Variants in IFT22 observed in about 807,000 individuals in gnomAD.
IFT22 encodes the protein intraflagellar transport protein 22 homolog.
Under a neutral mutation model 21.0 loss-of-function variants are expected in IFT22, and 13 were observed. The observed-to-expected ratio is 0.62, with a 90% CI of 0.40 to 0.98. IFT22 has a LOEUF of 0.98. IFT22 is among the 50% of genes least tolerant of loss of function. IFT22 has a pLI of 0.00. For synonymous variants in IFT22, 67 were observed against 82.4 expected (o/e 0.81, Z 1.01); for missense variants, 227 against 228.9 (o/e 0.99, Z 0.06).
At position 101,312,145 on chromosome 7, in the gene IFT22, T is replaced by C. The variant is rs1789994517; in HGVS notation, c.*2989A>G. Among the ~76,000 whole-genome samples, 1 of 152,142 alleles carries C rather than the reference T, an allele frequency of 6.6e-6. No individual in the cohort carries two copies. Among genetic ancestry groups the C allele is most frequent in the Non-Finnish European group, 1.5e-5 (1 of 68,028 alleles). On this transcript the variant is annotated 3_prime_UTR_variant, in exon 5 of 5. Coordinates refer to ENST00000315322, the MANE Select transcript of IFT22 (RefSeq NM_022777.4). ...TGGGCTGGGCACAATGACTCATGCC[T>C]GTAATCCCACCACTTTGGGAGGCTG...
intron 1 of IFT22, among the ~76,000 whole-genome samples, chr7:101,320,840 T>A (rs1790321930): frequency 6.6e-6 from 1 of 151,674 alleles, no homozygotes; most frequent in African/African-American, 2.4e-5. Context: ...CAAGATCCTG[T>A]CTCTACAAAT....
At chr7:101,321,561 G>A (rs1790349440) in intron 1 of IFT22, 110 bp downstream of exon 1, 5 of 1,198,714 alleles carry the variant, frequency 4.2e-6, no homozygotes, top group Non-Finnish European at 5.8e-6. Context: ...CGGTGGGCCC[G>A]GGTTCCCGCC....
At chr7:101,316,249 G>A in intron 4 of IFT22, 91 bp downstream of exon 4, 3 of 1,223,236 alleles carry the variant, frequency 2.5e-6, no homozygotes, top group Non-Finnish European at 2.4e-6. Context: ...TCAGTAACTG[G>A]ACAGAGCTGC....
In IFT22 at chr7:101,316,504, T is replaced by C. The variant is rs780238919; in HGVS notation, c.245A>G (p.His82Arg). ...SCWPALMKDA[H>R]GVVIVFNADI... ...AGCATTGAAGACGATCACCACTCCA[T>C]GAGCATCCTTCATCAGGGCCGGCCA... The change falls in exon 4 of 5, where the codon CAT becomes CGT. Residue 82 changes from histidine (H) to arginine (R), a missense_variant. By Grantham distance (29) the His-to-Arg change is conservative. Transcript: ENST00000315322. 1 of 1,614,016 alleles carries C rather than the reference T, an allele frequency of 6.2e-7. No homozygotes were observed. The highest frequency in any genetic ancestry group is 8.5e-7 in the Non-Finnish European group (1 of 1,180,040).
rs1790021655 is a variant in IFT22 at position 101,313,006 on chromosome 7, G to C, written c.*2128C>G. Among the ~76,000 whole-genome samples, 1 of 151,702 alleles carries C rather than the reference G, an allele frequency of 6.6e-6. No homozygotes were observed. Among genetic ancestry groups the C allele is most frequent in the African/African-American group, 2.4e-5 (1 of 41,276 alleles). On this transcript the variant is annotated 3_prime_UTR_variant, in exon 5 of 5. Coordinates refer to ENST00000315322, the MANE Select transcript of IFT22 (RefSeq NM_022777.4). ...GTGCTACCACGCCCAGCTAATTTTT[G>C]TATTTTTAGTAGAGACGGGGTTTCA...
Position 101,321,577 on chromosome 7 carries a change from G to C in IFT22, c.39+94C>G, listed in dbSNP as rs956700119. ...GGTGGGCCCGGGTTCCCGCCTCCGG[G>C]AGCAAGCCGCAGATCAGACGGGTGG... On this transcript the variant is annotated intron_variant, in intron 1 of 4. Coordinates refer to ENST00000315322, the MANE Select transcript of IFT22 (RefSeq NM_022777.4). 18 of 1,359,440 alleles carry C rather than the reference G, an allele frequency of 1.3e-5. No homozygotes were observed. The Admixed American group carries it at 4.2e-4, about 32-fold the overall frequency. 84.2% of individuals were successfully genotyped at this position (1,359,440 alleles called of 1,614,324 possible).
At position 101,319,692 on chromosome 7, in the gene IFT22, G is replaced by A. The variant is rs142387702; in HGVS notation, c.40-660C>T. Among the ~76,000 whole-genome samples the A allele has an allele frequency of 5.4e-3, 753 of 140,670 alleles. 8 individuals are homozygous for A. Among genetic ancestry groups the A allele is most frequent in the African/African-American group, 0.02 (723 of 36,844 alleles). The allele number at this position is 140,670 out of a possible 152,430, so 92.3% of individuals were successfully genotyped here. On this transcript the variant is annotated intron_variant, in intron 1 of 4. Coordinates refer to ENST00000315322, the MANE Select transcript of IFT22 (RefSeq NM_022777.4). The stretch of plus-strand genomic sequence containing the variant: ...AAGGTCTTGCTCGGTTGCCCAGGCT[G>A]GAGTACAGCAATGTGATCATAGCTC...
rs1380285172 is a variant in IFT22, at chr7:101,313,200, T to C, written c.*1934A>G. Among the ~76,000 whole-genome samples, 6 of 152,066 alleles carry C rather than the reference T, an allele frequency of 3.9e-5. No homozygotes were observed. The highest frequency in any genetic ancestry group is 2.6e-4 in the Admixed American group (4 of 15,248). On this transcript the variant is annotated 3_prime_UTR_variant, in exon 5 of 5. Transcript: ENST00000315322. ...CTGGTATTACAGGTGTGTGCCAACA[T>C]GCCTGGCGAATTTTTGTATTTTTAG...
At position 101,314,791 on chromosome 7, in the gene IFT22, G is replaced by C. The variant is rs1240301595; in HGVS notation, c.*343C>G. On this transcript the variant is annotated 3_prime_UTR_variant, in exon 5 of 5. Transcript: ENST00000315322. ...GAAAATCACATTCAAGCCAATACAC[G>C]TGATTAAACTACTGTTGTATCATTG... 4.5e-6 allele frequency: 1 copy of C among 222,992 alleles called. No homozygotes were observed. Among genetic ancestry groups the C allele is most frequent in the African/African-American group, 2.3e-5 (1 of 43,608 alleles). The allele number at this position is 222,992 out of a possible 1,614,324, so 13.8% of individuals were successfully genotyped here.
At chr7:101,316,638 A>G (rs541466217) in intron 3 of IFT22, 96 bp from the exon 4 acceptor site, 7 of 1,312,260 alleles carry the variant, frequency 5.3e-6, no homozygotes, top group African/African-American at 4.4e-5. Context: ...AAGTTGGTCT[A>G]TGACGGCTGG....
intron 1 of IFT22, among the ~76,000 whole-genome samples, chr7:101,319,756 G>C (rs1388141057): frequency 6.8e-6 from 1 of 146,212 alleles, no homozygotes; most frequent in African/African-American, 2.6e-5. Context: ...TGATCCTCCT[G>C]CCTCAGCCTC....
intron 2 of IFT22, 71 bp from the exon 3 acceptor site, chr7:101,318,284 C>G: frequency 8.4e-7 from 1 of 1,187,868 alleles, no homozygotes; most frequent in Non-Finnish European, 1.2e-6. Flanking sequence ...GTCTGGGAGG[C>G]CAAGGCGGGC....
rs549780577 is a variant in IFT22, at chr7:101,313,183, A to G, written c.*1951T>C. On this transcript the variant is annotated 3_prime_UTR_variant, in exon 5 of 5. Transcript: ENST00000315322. The stretch of plus-strand genomic sequence containing the variant: ...CTCAGCCACATGAGTAGCTGGTATT[A>G]CAGGTGTGTGCCAACATGCCTGGCG... 1.0e-3 allele frequency among the ~76,000 whole-genome samples: 155 copies of G among 152,208 alleles called. No individual in the cohort carries two copies. Among genetic ancestry groups the G allele is most frequent in the African/African-American group, 3.6e-3 (148 of 41,544 alleles).
Position 101,319,026 on chromosome 7 carries a change from T to C in IFT22, c.46A>G (p.Lys16Glu). Residue 16 changes from lysine (K) to glutamate (E), a missense_variant, in exon 2 of 5, where the codon AAA becomes GAA. Physicochemically the swap from Lys to Glu is moderately conservative, Grantham distance 56. Transcript: ENST00000315322. ...GTCAGAAAGTTGGCCAAAACAGTTT[T>C]TCCACTCTGTGAAAATGAGTGCAAA... Reference protein sequence around the residue: ...ILFVGPCESGKTVLANFLTES... With the variant: ...ILFVGPCESGETVLANFLTES... The C allele has an allele frequency of 6.2e-7, 1 of 1,613,854 alleles. No homozygotes were observed. The highest frequency in any genetic ancestry group is 8.5e-7 in the Non-Finnish European group (1 of 1,179,842).
chr7:101,315,514 C>G, intron 4 of IFT22: 1 of 539,646 alleles, frequency 1.9e-6, no homozygotes, highest in East Asian at 3.2e-5. Flanking sequence ...GGAATAGATT[C>G]TCTATTATTC....
chr7:101,316,510 T>TC lies in IFT22; in HGVS notation c.238dup (p.Asp80GlyfsTer12), dbSNP rs764644977. ...GAAGACGATCACCACTCCATGAGCA[T>TC]CCTTCATCAGGGCCGGCCAGCAGGA... On this transcript the variant is annotated frameshift_variant, in exon 4 of 5. Coordinates refer to ENST00000315322, the MANE Select transcript of IFT22 (RefSeq NM_022777.4). LOFTEE classifies it high-confidence loss of function. 1 of 1,614,106 alleles carries TC rather than the reference T, an allele frequency of 6.2e-7. No homozygotes were observed. Among genetic ancestry groups the TC allele is most frequent in the South Asian group, 1.1e-5 (1 of 91,080 alleles).
chr7:101,318,920 T>G, intron 2 of IFT22, 36 bp downstream of exon 2: 4 of 1,542,990 alleles, frequency 2.6e-6, no homozygotes, highest in Non-Finnish European at 3.6e-6. Flanking sequence ...GCCGAGCCAG[T>G]TGGACACTCT....
intron 1 of IFT22, among the ~76,000 whole-genome samples, chr7:101,320,161 TACTC>T (rs371660568): frequency 9.9e-5 from 15 of 152,074 alleles, no homozygotes; most frequent in African/African-American, 3.4e-4. Flanking sequence ...TTCACCATGT[TACTC>T]AGGCTGGACT....
chr7:101,318,907 C>T, intron 2 of IFT22, 49 bp downstream of exon 2: 1 of 1,467,660 alleles, frequency 6.8e-7, no homozygotes, highest in Non-Finnish European at 9.6e-7. Context: ...AATGAGCCTC[C>T]CTGCCGAGCC....
Sources: gnomAD v4.1 joint callset for allele counts (sites outside exome capture counted in the v4.1 genomes callset) on GRCh38, gnomAD v4.1.1 for gene constraint, MANE v1.5 for transcripts, NCBI Gene and HGNC (gene_info 2026-07-23, HGNC 2026-07-21) for gene names.